Variants in WNT7A observed in about 807,000 individuals in gnomAD.
The protein encoded by WNT7A is protein Wnt-7a.
WNT7A carries 16 observed loss-of-function variants against 28.2 expected under a neutral mutation model. That is an observed-to-expected ratio of 0.57 (90% CI 0.38 to 0.86). The LOEUF is 0.86. WNT7A is among the 40% of genes least tolerant of loss of function. The pLI, the probability that WNT7A is intolerant of heterozygous loss-of-function variation, is 0.00. For synonymous variants in WNT7A, 190 were observed against 195.9 expected, an observed-to-expected ratio of 0.97 and a Z score of 0.25; for missense variants, 411 against 489.7, an observed-to-expected ratio of 0.84 and a Z score of 1.52.
chr3:13,820,623 A>C (rs1285921425), intron 3 of WNT7A, among the ~76,000 whole-genome samples: 1 of 152,160 alleles, frequency 6.6e-6, no homozygotes, highest in Admixed American at 6.5e-5. Flanking sequence ...GAAGAGAATG[A>C]GACATTCAAA....
At chr3:13,852,107 C>T (rs1404239971) in intron 3 of WNT7A, among the ~76,000 whole-genome samples, 1 of 152,232 alleles carries the variant, frequency 6.6e-6, no homozygotes, top group Middle Eastern at 3.2e-3. Context: ...GCCCCTGCAG[C>T]ATTTATTCTC....
intron 1 of WNT7A, among the ~76,000 whole-genome samples, chr3:13,876,403 C>T (rs1307799496): frequency 6.6e-6 from 1 of 152,184 alleles, no homozygotes; most frequent in Non-Finnish European, 1.5e-5. Context: ...AGGACACTGA[C>T]ATGACCTGGT....
At chr3:13,868,205 A>G in intron 2 of WNT7A, among the ~76,000 whole-genome samples, 1 of 151,940 alleles carries the variant, frequency 6.6e-6, no homozygotes, top group Non-Finnish European at 1.5e-5. Flanking sequence ...TTATTTAAGA[A>G]AAAAATGGCC....
intron 2 of WNT7A, chr3:13,863,920 C>T (rs1004442971): frequency 3.3e-5 from 5 of 152,156 alleles, no homozygotes; most frequent in Admixed American, 1.3e-4. Flanking sequence ...GAGGAGAGAG[C>T]TGCTCAAGTG....
intron 2 of WNT7A, among the ~76,000 whole-genome samples, chr3:13,868,032 C>A (rs1252521411): frequency 6.6e-6 from 1 of 152,108 alleles, no homozygotes; most frequent in Non-Finnish European, 1.5e-5. Context: ...TGGGGAAGAT[C>A]TCCATATGAT....
intron 3 of WNT7A, among the ~76,000 whole-genome samples, chr3:13,836,540 G>C (rs1694374133): frequency 6.6e-6 from 1 of 152,186 alleles, no homozygotes; most frequent in African/African-American, 2.4e-5. Context: ...GAGAGCCCTG[G>C]TCATGTCCTC....
At chr3:13,819,498 C>A in intron 3 of WNT7A, 75 bp from the exon 4 acceptor site, 1 of 1,500,092 alleles carries the variant, frequency 6.7e-7, no homozygotes, top group South Asian at 1.3e-5. Flanking sequence ...CAGCTCCCCC[C>A]CGCCCCCCAC....
Position 13,819,107 on chromosome 3 carries a change from T to C in WNT7A, c.887A>G (p.Lys296Arg). The change falls in exon 4 of 4, where the codon AAG becomes AGG. Residue 296 changes from lysine to arginine, a missense_variant. By Grantham distance (26) the Lys-to-Arg change is conservative. Transcript: ENST00000285018. ...ACAGCCGCTGGCCTGGGGAGCCGTC[T>C]TGTTGCAGGCGCGGCCCTGGGTGCC... ...SVGTQGRACN[K>R]TAPQASGCDL... The C allele has an allele frequency of 1.2e-6, 2 of 1,614,160 alleles. No individual in the cohort carries two copies. The highest frequency in any genetic ancestry group is 2.2e-5 in the East Asian group (1 of 44,886).
Position 13,856,987 on chromosome 3 carries a change from G to GAGAAGA in WNT7A, c.299-2190_299-2185dup, listed in dbSNP as rs111694534. Reference sequence around the variant, plus strand: ...GAAGAAGGAGAAGAAGAAGAAGAAGGAGAAGAAGAAGAAGAAGAAGGAAGA... The same window carrying GAGAAGA: ...GAAGAAGGAGAAGAAGAAGAAGAAGGAGAAGAAGAAGAAGAAGAAGAAGAAGGAAGA... On this transcript the variant is annotated intron_variant, in intron 2 of 3. Coordinates refer to ENST00000285018, the MANE Select transcript of WNT7A (RefSeq NM_004625.4). Among the ~76,000 whole-genome samples, 392 of 71,574 alleles carry GAGAAGA rather than the reference G, an allele frequency of 5.5e-3. 22 individuals are homozygous for GAGAAGA. Among genetic ancestry groups the GAGAAGA allele is most frequent in the African/African-American group, 0.025 (331 of 13,030 alleles). 47.0% of individuals were successfully genotyped at this position (71,574 alleles called of 152,430 possible). A position where few individuals can be genotyped will look rare whatever the true frequency, so the allele number is the denominator to read the frequency against.
chr3:13,879,570 C>A lies in WNT7A; in HGVS notation c.71+176G>T, dbSNP rs574059622. Among the ~76,000 whole-genome samples the A allele has an allele frequency of 2.5e-3, 385 of 152,284 alleles. 2 individuals carry two copies. The highest frequency in any genetic ancestry group is 6.8e-3 in the Middle Eastern group (2 of 294). ...ATGGCCAGTCCCCCTGCCTATATCT[C>A]CTGGGGTGTCCTGCGGGGGGCCTTT... On this transcript the variant is annotated intron_variant, in intron 1 of 3. Coordinates refer to ENST00000285018, the MANE Select transcript of WNT7A (RefSeq NM_004625.4).
At chr3:13,877,091 A>G (rs1191824224) in intron 1 of WNT7A, 1 of 151,456 alleles carries the variant, frequency 6.6e-6, no homozygotes, top group Non-Finnish European at 1.5e-5. Flanking sequence ...GCTCCGGGTG[A>G]GTACCTATTA....
chr3:13,878,085 C>T (rs901818226), intron 1 of WNT7A, among the ~76,000 whole-genome samples: 9 of 152,204 alleles, frequency 5.9e-5, no homozygotes, highest in Admixed American at 2.6e-4. Flanking sequence ...CCCCAGAGGG[C>T]AGCTTGGGGC....
chr3:13,855,089 G>C (rs1040576653), intron 2 of WNT7A, among the ~76,000 whole-genome samples: 1 of 152,180 alleles, frequency 6.6e-6, no homozygotes, highest in African/African-American at 2.4e-5. Context: ...AGATGTGGGG[G>C]ACCCCTCTAG....
At chr3:13,851,251 T>A (rs2124854926) in intron 3 of WNT7A, among the ~76,000 whole-genome samples, 1 of 152,300 alleles carries the variant, frequency 6.6e-6, no homozygotes, top group East Asian at 1.9e-4. Context: ...TCTGGGCACC[T>A]CTGGCCTAAG....
intron 2 of WNT7A, 52 bp from the exon 3 acceptor site, chr3:13,854,855 G>A (rs1330714289): frequency 6.2e-7 from 1 of 1,606,318 alleles, no homozygotes; most frequent in Non-Finnish European, 8.5e-7. Context: ...CCAAGCATCT[G>A]AGAGGAGGCT....
chr3:13,830,444 C>T (rs968331079), intron 3 of WNT7A, among the ~76,000 whole-genome samples: 6 of 152,180 alleles, frequency 3.9e-5, no homozygotes, highest in South Asian at 2.1e-4. Context: ...CAAGCACCCA[C>T]CCTGCACCAA....
At chr3:13,841,753 CA>C (rs1255170588) in intron 3 of WNT7A, among the ~76,000 whole-genome samples, 1 of 152,198 alleles carries the variant, frequency 6.6e-6, no homozygotes, top group African/African-American at 2.4e-5. Context: ...TTTTCCCAGC[CA>C]CACTGGGATC....
chr3:13,856,916 A>G (rs369084301), intron 2 of WNT7A, among the ~76,000 whole-genome samples: 5 of 95,954 alleles, frequency 5.2e-5, no homozygotes, highest in East Asian at 5.8e-4. Context: ...AAGAAGAAGA[A>G]GAAGAAGAAG....
intron 3 of WNT7A, among the ~76,000 whole-genome samples, chr3:13,821,930 A>G (rs1221283186): frequency 6.6e-6 from 1 of 152,222 alleles, no homozygotes; most frequent in African/African-American, 2.4e-5. Context: ...TTTTCACATA[A>G]GCAATATCTC....
Sources: allele counts gnomAD v4.1 joint callset (sites outside exome capture counted in the v4.1 genomes callset), GRCh38; gene constraint gnomAD v4.1.1; transcripts MANE v1.5; gene names NCBI Gene and HGNC (gene_info 2026-07-23, HGNC 2026-07-21).